Variants in SNX24 observed in about 807,000 individuals in gnomAD.
SNX24 encodes sorting nexin-24.
Under a neutral mutation model 28.7 loss-of-function variants are expected in SNX24, and 22 were observed. The observed-to-expected ratio is 0.77, with a 90% confidence interval of 0.55 to 1.10. SNX24 has a LOEUF of 1.10. SNX24 is among the 50% of genes least tolerant of loss of function. SNX24 has a pLI of 0.00. For missense variants in SNX24, 221 were observed against 201.1 expected (o/e 1.10, Z -0.60); for synonymous variants, 69 against 71.5 (o/e 0.96, Z 0.18).
intron 2 of SNX24, among the ~76,000 whole-genome samples, chr5:122,944,639 G>C (rs1759603182): frequency 6.6e-6 from 1 of 152,096 alleles, no homozygotes. Context: ...AGGGACCCAG[G>C]CTCTTGCTGC....
chr5:122,853,941 A>T (rs1354014503), intron 1 of SNX24, among the ~76,000 whole-genome samples: 1 of 152,200 alleles, frequency 6.6e-6, no homozygotes, highest in Non-Finnish European at 1.5e-5. Flanking sequence ...TATTTTTAAG[A>T]ATTCTTAAAA....
intron 1 of SNX24, among the ~76,000 whole-genome samples, chr5:122,855,097 A>T (rs1405570905): frequency 6.6e-6 from 1 of 150,544 alleles, no homozygotes; most frequent in Non-Finnish European, 1.5e-5. Flanking sequence ...TTTGAGGCAG[A>T]GTCTCGCTCT....
At chr5:122,996,975 C>T (rs781016442) in intron 3 of SNX24, among the ~76,000 whole-genome samples, 11 of 152,250 alleles carry the variant, frequency 7.2e-5, no homozygotes, top group Admixed American at 4.6e-4. Flanking sequence ...GAGCAAAAGC[C>T]TTTCAAGAAA....
intron 3 of SNX24, among the ~76,000 whole-genome samples, chr5:122,997,142 G>T (rs182559450): frequency 6.6e-6 from 1 of 152,218 alleles, no homozygotes; most frequent in East Asian, 1.9e-4. Context: ...ATTACATTAG[G>T]TAAATTCTTC....
intron 1 of SNX24, among the ~76,000 whole-genome samples, chr5:122,884,997 C>G (rs1466861204): frequency 1.3e-5 from 2 of 152,148 alleles, no homozygotes; most frequent in East Asian, 3.8e-4. Flanking sequence ...CAGAAGCACG[C>G]TATTATGGAA....
At chr5:122,885,073 T>G (rs537055935) in intron 1 of SNX24, among the ~76,000 whole-genome samples, 1 of 152,284 alleles carries the variant, frequency 6.6e-6, no homozygotes, top group East Asian at 1.9e-4. Context: ...CTTGTTATTT[T>G]AAAAGCAGAG....
chr5:122,871,379 A>G (rs1755971180), intron 1 of SNX24, among the ~76,000 whole-genome samples: 1 of 152,214 alleles, frequency 6.6e-6, no homozygotes, highest in South Asian at 2.1e-4. Flanking sequence ...ATAAAGGAGA[A>G]GCATCAGCTT....
At chr5:122,898,136 A>G (rs781537015) in intron 1 of SNX24, among the ~76,000 whole-genome samples, 18 of 152,212 alleles carry the variant, frequency 1.2e-4, no homozygotes, top group Non-Finnish European at 2.5e-4. Context: ...TGGTTTTTCC[A>G]TTCAGAAGAA....
At chr5:122,966,163 G>A (rs954041503) in intron 3 of SNX24, among the ~76,000 whole-genome samples, 9 of 152,218 alleles carry the variant, frequency 5.9e-5, no homozygotes, top group Non-Finnish European at 1.3e-4. Context: ...ATTTGGAAAA[G>A]AGGAAATGAT....
chr5:123,018,755 C>T (rs993312397), intron 5 of SNX24, among the ~76,000 whole-genome samples: 79 of 151,694 alleles, frequency 5.2e-4, no homozygotes, highest in African/African-American at 1.8e-3. Flanking sequence ...GGTGGGATAT[C>T]GGCTCACTGC....
At chr5:122,987,189 G>A (rs415417) in intron 3 of SNX24, among the ~76,000 whole-genome samples, 28,704 of 152,050 alleles carry the variant, frequency 0.19, 3,598 homozygotes, top group Non-Finnish European at 0.29. Context: ...GGAGATAAAA[G>A]GAGAAGAGGA....
At chr5:123,017,486 A>C (rs1762699903) in intron 5 of SNX24, among the ~76,000 whole-genome samples, 1 of 151,884 alleles carries the variant, frequency 6.6e-6, no homozygotes, top group Non-Finnish European at 1.5e-5. Flanking sequence ...CTGAAAGGCA[A>C]GTCCAGTGTT....
chr5:122,980,067 A>G (rs1399285499), intron 3 of SNX24, among the ~76,000 whole-genome samples: 1 of 152,218 alleles, frequency 6.6e-6, no homozygotes, highest in Non-Finnish European at 1.5e-5. Flanking sequence ...TTAAATATCA[A>G]AAGTCCTTTT....
intron 1 of SNX24, 125 bp downstream of exon 1, chr5:122,845,818 G>A: frequency 2.2e-6 from 1 of 462,114 alleles, no homozygotes; most frequent in Non-Finnish European, 3.4e-6. Context: ...CCCCTCCCCC[G>A]GCCCAGAGGA....
chr5:123,010,897 T>C (rs114640685), downstream of SNX24, among the ~76,000 whole-genome samples: 2,722 of 152,170 alleles, frequency 0.018, 79 homozygotes, highest in African/African-American at 0.062. Context: ...TGTATCAGTA[T>C]ATAAAGTGCT....
At chr5:122,941,198 T>TC (rs1561630876) in intron 2 of SNX24, among the ~76,000 whole-genome samples, 1 of 152,120 alleles carries the variant, frequency 6.6e-6, no homozygotes, top group Non-Finnish European at 1.5e-5. Context: ...CTTTTCAGAA[T>TC]CCTTAATTTA....
rs1030000792 is a variant in SNX24, at chr5:122,895,430, G to C, written c.61-41304G>C. ...CAGTGCTGTTCAGATTTAGAAGTCA[G>C]CCCCCCTGAGATAATCCACACCATT... is the stretch of plus-strand genomic sequence containing the variant. On this transcript the variant is annotated intron_variant, in intron 1 of 6. Coordinates refer to ENST00000261369, the MANE Select transcript of SNX24 (RefSeq NM_014035.4). 6.6e-5 allele frequency among the ~76,000 whole-genome samples: 10 copies of C among 152,248 alleles called. 1 individual carries two copies. The highest frequency in any genetic ancestry group is 2.4e-4 in the African/African-American group (10 of 41,544).
chr5:123,000,093 C>G (rs181910755), intron 4 of SNX24, 87 bp downstream of exon 4: 2 of 906,670 alleles, frequency 2.2e-6, no homozygotes, highest in East Asian at 2.5e-5. Flanking sequence ...GAGTGATGCC[C>G]GAGTAGCCTG....
Position 123,008,679 on chromosome 5 carries a change from C to A in SNX24, c.*930C>A, listed in dbSNP as rs1347039206. On this transcript the variant is annotated 3_prime_UTR_variant, in exon 7 of 7. Coordinates refer to ENST00000261369, the MANE Select transcript of SNX24 (RefSeq NM_014035.4). ...GCGCCCACCCAGCGGATGGACAGCA[C>A]CCACCTGGGTTTACTCAAGGGTGTG... is the stretch of plus-strand genomic sequence containing the variant. The A allele has an allele frequency of 2.1e-5, 4 of 186,870 alleles. No individual in the cohort carries two copies. The highest frequency in any genetic ancestry group is 4.0e-5 in the Non-Finnish European group (4 of 99,772). 11.6% of individuals were successfully genotyped at this position (186,870 alleles called of 1,614,324 possible).
Sources: allele counts gnomAD v4.1 joint callset (sites outside exome capture counted in the v4.1 genomes callset), GRCh38; gene constraint gnomAD v4.1.1; transcripts MANE v1.5; gene names NCBI Gene and HGNC (gene_info 2026-07-23, HGNC 2026-07-21).